The following NIPA2 variants were observed in gnomAD, a reference collection of about 807,000 sequenced individuals.
NIPA2 encodes the protein NIPA magnesium transporter 2.
NIPA2 carries 11 observed loss-of-function variants against 29.7 expected under a neutral mutation model. The observed-to-expected ratio is 0.37, with a 90% confidence interval of 0.23 to 0.61. The LOEUF is 0.61. Ranked by LOEUF, NIPA2 falls within the 20% of genes least tolerant of loss-of-function variation. The pLI is 0.66. For synonymous variants in NIPA2, 183 were observed against 161.9 expected (o/e 1.13, Z -0.99); for missense variants, 426 against 437.9 (o/e 0.97, Z 0.24).
chr15:22,850,137 A>C (rs1457156424), intron 3 of NIPA2, among the ~76,000 whole-genome samples: 1 of 152,068 alleles, frequency 6.6e-6, no homozygotes, highest in Non-Finnish European at 1.5e-5. Context: ...TCATACTTGC[A>C]GTAAGCCTGT....
intron 1 of NIPA2, 186 bp downstream of exon 1, chr15:22,839,107 G>T (rs1424348555): frequency 6.6e-6 from 1 of 152,182 alleles, no homozygotes; most frequent in Non-Finnish European, 1.5e-5. Context: ...TCCCACGGAA[G>T]CCTGGCTCGT....
chr15:22,861,883 T>G (rs1012997090), intron 7 of NIPA2, among the ~76,000 whole-genome samples: 4 of 151,694 alleles, frequency 2.6e-5, no homozygotes, highest in African/African-American at 9.7e-5. Flanking sequence ...TGCAGGCGTG[T>G]GCCACCATGC....
At chr15:22,846,840 A>AATTATT (rs66795943) in intron 3 of NIPA2, among the ~76,000 whole-genome samples, 22,207 of 134,620 alleles carry the variant, frequency 0.16, 2,212 homozygotes, top group South Asian at 0.22. Flanking sequence ...TAATAATAAT[A>AATTATT]ATTATTATTA....
intron 2 of NIPA2, among the ~76,000 whole-genome samples, chr15:22,842,131 A>G (rs1449095061): frequency 6.6e-6 from 1 of 152,140 alleles, no homozygotes; most frequent in Non-Finnish European, 1.5e-5. Flanking sequence ...CTAGCAGGAG[A>G]TAACCCCATG....
chr15:22,862,300 G>A (rs1047453859), intron 7 of NIPA2, among the ~76,000 whole-genome samples: 11 of 149,068 alleles, frequency 7.4e-5, no homozygotes, highest in African/African-American at 2.5e-4. Flanking sequence ...CACCTGCCTC[G>A]GCCTCCCAAA....
Position 22,846,995 on chromosome 15 carries a change from C to T in NIPA2, c.-94+1728C>T, listed in dbSNP as rs527385035. ...CTTGGCTCACCACAACCTCTGCCTC[C>T]CGGGTTCAAGCGATTCTCCTGCCTC... On this transcript the variant is annotated intron_variant, in intron 3 of 7. Transcript: ENST00000337451. 4.6e-5 allele frequency among the ~76,000 whole-genome samples: 7 copies of T among 151,266 alleles called. No individual in the cohort carries two copies. In the South Asian group the frequency reaches 1.3e-3, roughly 27 times the overall value.
Position 22,845,144 on chromosome 15 carries a change from A to G in NIPA2, c.-215-2A>G. 6.6e-6 allele frequency: 1 copy of G among 152,322 alleles called. No homozygotes were observed. The highest frequency in any genetic ancestry group is 1.5e-5 in the Non-Finnish European group (1 of 68,038). 9.4% of individuals were successfully genotyped at this position (152,322 alleles called of 1,614,324 possible). ...TAAGAAGAAAAAATATCTCTGTTGCAGGCTCTCCCGGCTGTGATAGACCTT... is the reference window on the plus strand; with the variant it reads ...TAAGAAGAAAAAATATCTCTGTTGCGGGCTCTCCCGGCTGTGATAGACCTT... On this transcript the variant is annotated splice_acceptor_variant, in intron 2 of 7. Coordinates refer to ENST00000337451, the MANE Select transcript of NIPA2 (RefSeq NM_030922.7). LOFTEE classifies it low-confidence loss of function (5UTR_SPLICE).
At chr15:22,843,093 T>G (rs1241936522) in intron 2 of NIPA2, among the ~76,000 whole-genome samples, 1 of 151,602 alleles carries the variant, frequency 6.6e-6, no homozygotes, top group African/African-American at 2.4e-5. Flanking sequence ...GTCTTCTTGC[T>G]ACAAACAGGG....
chr15:22,855,880 C>T (rs911635289), intron 5 of NIPA2, among the ~76,000 whole-genome samples: 2 of 152,196 alleles, frequency 1.3e-5, no homozygotes, highest in Admixed American at 6.5e-5. Context: ...ACGTGTGATA[C>T]ATAGCCCTCA....
chr15:22,840,249 G>A (rs2140937364), intron 2 of NIPA2, among the ~76,000 whole-genome samples: 1 of 149,502 alleles, frequency 6.7e-6, no homozygotes, highest in African/African-American at 2.5e-5. Flanking sequence ...GTGGAAACCA[G>A]GTAGTAAAGA....
chr15:22,843,970 T>G (rs575536380), intron 2 of NIPA2, among the ~76,000 whole-genome samples: 1 of 152,260 alleles, frequency 6.6e-6, no homozygotes, highest in East Asian at 1.9e-4. Context: ...GTGCTGGGGT[T>G]ACAGATGTGA....
intron 7 of NIPA2, among the ~76,000 whole-genome samples, chr15:22,862,345 G>A (rs531222152): frequency 6.6e-5 from 10 of 152,174 alleles, no homozygotes; most frequent in African/African-American, 2.4e-4. Context: ...ACTGTGCCTG[G>A]CCTGATCTGA....
chr15:22,866,611 T>TTGAG lies in NIPA2; in HGVS notation c.850_853dup (p.Gly285GlufsTer17). 6.2e-7 allele frequency: 1 copy of TTGAG among 1,614,154 alleles called. No homozygotes were observed. Among genetic ancestry groups the TTGAG allele is most frequent in the Non-Finnish European group, 8.5e-7 (1 of 1,180,018 alleles). ...GCCTGTTGACGATGTCATTGGTACT[T>TTGAG]TGAGTGGCTTCTTTACAATCATTGT... is the stretch of plus-strand genomic sequence containing the variant. On this transcript the variant is annotated frameshift_variant, in exon 8 of 8. Transcript: ENST00000337451. LOFTEE classifies it high-confidence loss of function.
chr15:22,862,574 G>A (rs1016397878), intron 7 of NIPA2, among the ~76,000 whole-genome samples: 6 of 151,864 alleles, frequency 4.0e-5, no homozygotes, highest in Middle Eastern at 6.8e-3. Flanking sequence ...TTATTTCTGC[G>A]GTTATATTGT....
At chr15:22,862,884 A>G (rs2058715717) in intron 7 of NIPA2, among the ~76,000 whole-genome samples, 1 of 144,976 alleles carries the variant, frequency 6.9e-6, no homozygotes, top group South Asian at 2.2e-4. Context: ...AGTTTCTTTC[A>G]GTTTGCCTTT....
intron 6 of NIPA2, 139 bp from the exon 7 acceptor site, chr15:22,860,490 T>TC (rs1309683308): frequency 6.4e-6 from 4 of 624,416 alleles, no homozygotes; most frequent in Non-Finnish European, 1.1e-5. Flanking sequence ...ATACTTTTTT[T>TC]CCTTGGCGAA....
chr15:22,851,983 T>C, intron 4 of NIPA2, 113 bp downstream of exon 4: 2 of 876,038 alleles, frequency 2.3e-6, no homozygotes, highest in Admixed American at 4.9e-5. Context: ...AACTTTGAAT[T>C]GTTCAAGAGT....
At chr15:22,840,660 TG>T (rs1163920901) in intron 2 of NIPA2, among the ~76,000 whole-genome samples, 1 of 152,146 alleles carries the variant, frequency 6.6e-6, no homozygotes, top group African/African-American at 2.4e-5. Context: ...AGTCCCTTTC[TG>T]TGTGGTCCTC....
chr15:22,860,084 G>A (rs920151092), intron 6 of NIPA2, among the ~76,000 whole-genome samples: 3 of 150,052 alleles, frequency 2.0e-5, no homozygotes, highest in African/African-American at 7.4e-5. Context: ...AGGCTGGAGT[G>A]CAGTGGCGCG....
Sources: allele counts gnomAD v4.1 joint callset (sites outside exome capture counted in the v4.1 genomes callset), GRCh38; gene constraint gnomAD v4.1.1; transcripts MANE v1.5; gene names NCBI Gene and HGNC (gene_info 2026-07-23, HGNC 2026-07-21).